ICE2: variants seen among roughly 807,000 people sequenced by gnomAD.
ICE2 encodes little elongation complex subunit 2.
A neutral mutation model predicts 105.4 loss-of-function variants in ICE2; 87 were observed. The observed-to-expected ratio is 0.83, with a 90% CI of 0.69 to 0.99. The LOEUF (loss-of-function observed/expected upper bound fraction) is 0.99. Ranked by LOEUF, ICE2 falls within the 50% of genes least tolerant of loss-of-function variation. The pLI, the probability that ICE2 is intolerant of heterozygous loss-of-function variation, is 0.00. For missense variants in ICE2, 1,323 were observed against 1,146.7 expected, an observed-to-expected ratio of 1.15 and a Z score of -2.22; for synonymous variants, 399 against 392.0, an observed-to-expected ratio of 1.02 and a Z score of -0.21.
intron 15 of ICE2, among the ~76,000 whole-genome samples, chr15:60,427,092 A>C (rs987243187): frequency 2.0e-5 from 3 of 152,226 alleles, no homozygotes; most frequent in Non-Finnish European, 4.4e-5. Context: ...TCATTTCTAA[A>C]AGGATACTCC....
chr15:60,449,385 T>G lies in ICE2; in HGVS notation c.1582A>C (p.Asn528His). The change falls in exon 10 of 16, where the codon AAT (asparagine) becomes CAT (histidine). Residue 528 changes from asparagine to histidine, a missense_variant. Asn to His is a moderately conservative substitution (Grantham distance 68). Transcript: ENST00000261520. ...NSQEIETSNK[N>H]DMTIDILHAD... is the part of the protein sequence containing the mutation. ...TGTAATATATCTATAGTCATATCATTTTTATTAGAAGTTTCAATTTCCTGA... is the reference window on the plus strand; with the variant it reads ...TGTAATATATCTATAGTCATATCATGTTTATTAGAAGTTTCAATTTCCTGA... 1 of 1,613,138 alleles carries G rather than the reference T, an allele frequency of 6.2e-7. No individual in the cohort carries two copies. The highest frequency in any genetic ancestry group is 1.3e-5 in the African/African-American group (1 of 74,994).
chr15:60,464,097 A>C (rs1043159411), intron 5 of ICE2, among the ~76,000 whole-genome samples: 2 of 152,212 alleles, frequency 1.3e-5, no homozygotes, highest in African/African-American at 4.8e-5. Flanking sequence ...TTTTAAAACT[A>C]AAAGATCTCA....
chr15:60,440,807 A>C lies in ICE2; in HGVS notation c.2425+1609T>G, dbSNP rs1457701555. The C allele has an allele frequency of 3.9e-5, 6 of 152,276 alleles. No individual in the cohort carries two copies. The South Asian group carries it at 6.2e-4, about 16-fold the overall frequency. 9.4% of individuals were successfully genotyped at this position (152,276 alleles called of 1,614,324 possible). On this transcript the variant is annotated intron_variant, in intron 12 of 15. Coordinates refer to ENST00000261520, the MANE Select transcript of ICE2 (RefSeq NM_024611.6). ...CCCACCAAAAAACCCCGAACAAACC[A>C]AAATCCCACAACCATACAATATATG...
intron 9 of ICE2, chr15:60,451,968 A>G (rs1331116313): frequency 2.0e-5 from 10 of 494,410 alleles, no homozygotes; most frequent in East Asian, 1.5e-4. Context: ...TACTTCTAAG[A>G]AAGACATTTT....
In ICE2 at chr15:60,468,337, A is replaced by G; in HGVS notation, c.147-15T>C. 1 of 1,579,984 alleles carries G rather than the reference A, an allele frequency of 6.3e-7. No individual in the cohort carries two copies. The highest frequency in any genetic ancestry group is 8.6e-7 in the Non-Finnish European group (1 of 1,156,506). ...CTCCTATACGTCTGGAAAACAAAAT[A>G]TAATTTACAAATATGTGCTTTTCAC... On this transcript the variant is annotated splice_polypyrimidine_tract_variant and intron_variant, in intron 3 of 15. Transcript: ENST00000261520.
intron 14 of ICE2, 132 bp downstream of exon 14, chr15:60,431,802 C>T: frequency 1.9e-6 from 1 of 518,168 alleles, no homozygotes; most frequent in Non-Finnish European, 3.5e-6. Context: ...TAAATGTTTA[C>T]ATTTGACATA....
At chr15:60,452,951 T>A in intron 9 of ICE2, 5 of 985,360 alleles carry the variant, frequency 5.1e-6, no homozygotes, top group Non-Finnish European at 6.0e-6. Flanking sequence ...TAGATATGGG[T>A]CAGGTGCAGT....
intron 4 of ICE2, among the ~76,000 whole-genome samples, chr15:60,467,589 T>C (rs1177682379): frequency 6.6e-6 from 1 of 152,194 alleles, no homozygotes; most frequent in Non-Finnish European, 1.5e-5. Context: ...AACAAACTGG[T>C]TTAAACTTTT....
rs757729237 is a variant in ICE2, at chr15:60,428,584, A to G, written c.2665T>C (p.Tyr889His). 2 of 1,614,156 alleles carry G rather than the reference A, an allele frequency of 1.2e-6. No individual in the cohort carries two copies. The highest frequency in any genetic ancestry group is 1.7e-6 in the Non-Finnish European group (2 of 1,180,008). ...CCAGGAAGGCCGCAATGTGTTTTAT[A>G]CAAATTGTATGCTGTCCTAGTAACT... ...GKVTRTAYNL[Y>H]KTHCGLPGVP... The change falls in exon 15 of 16, where the codon TAT becomes CAT. Residue 889 changes from tyrosine to histidine, a missense_variant. By Grantham distance (83) the Tyr-to-His change is moderately conservative. Coordinates refer to ENST00000261520, the MANE Select transcript of ICE2 (RefSeq NM_024611.6).
chr15:60,442,162 A>G (rs1185963697), intron 12 of ICE2: 22 of 318,190 alleles, frequency 6.9e-5, no homozygotes, highest in Non-Finnish European at 7.4e-5. Context: ...GCATGGTAGC[A>G]CATGCCTGCA....
At chr15:60,464,130 G>A (rs531314850) in intron 5 of ICE2, among the ~76,000 whole-genome samples, 5 of 152,156 alleles carry the variant, frequency 3.3e-5, no homozygotes, top group African/African-American at 1.2e-4. Context: ...TGAATCTTTG[G>A]GATGGGGATG....
rs1314779546 is a variant in ICE2, at chr15:60,434,741, G to A, written c.2510+1402C>T. Reference sequence around the variant, plus strand: ...TGGAGCATGGAGATACAGAATAGCGGTTACAAGAGGCTGGGAAGGAAATGG... The same window carrying A: ...TGGAGCATGGAGATACAGAATAGCGATTACAAGAGGCTGGGAAGGAAATGG... On this transcript the variant is annotated intron_variant, in intron 13 of 15. Transcript: ENST00000261520. 1.1e-4 allele frequency among the ~76,000 whole-genome samples: 16 copies of A among 152,288 alleles called. No individual in the cohort carries two copies. The East Asian group carries it at 2.9e-3, about 28-fold the overall frequency.
intron 12 of ICE2, chr15:60,440,548 G>A (rs1212847796): frequency 1.3e-5 from 2 of 152,086 alleles, no homozygotes; most frequent in South Asian, 2.1e-4. Flanking sequence ...GAGACTATAA[G>A]CTATAGAATT....
intron 3 of ICE2, among the ~76,000 whole-genome samples, chr15:60,475,140 G>GA (rs1306256706): frequency 6.6e-6 from 1 of 152,136 alleles, no homozygotes; most frequent in Non-Finnish European, 1.5e-5. Context: ...TTCCCTGGGG[G>GA]AGTTTCCTAA....
rs192857981 is a variant in ICE2 at position 60,452,968 on chromosome 15, C to A, written c.1125+635G>T. ...GATATGGGTCAGGTGCAGTGGCTGA[C>A]GCCTGTAATCCCAGCACTTTGGGTG... On this transcript the variant is annotated intron_variant, in intron 9 of 15. Coordinates refer to ENST00000261520, the MANE Select transcript of ICE2 (RefSeq NM_024611.6). The A allele has an allele frequency of 7.2e-4, 713 of 985,098 alleles. 2 individuals carry two copies. The Middle Eastern group carries it at 0.016, about 22-fold the overall frequency. 61.0% of individuals were successfully genotyped at this position (985,098 alleles called of 1,614,324 possible). A position where few individuals can be genotyped will look rare whatever the true frequency, so the allele number is the denominator to read the frequency against.
intron 13 of ICE2, among the ~76,000 whole-genome samples, chr15:60,435,605 A>G (rs35708487): frequency 0.63 from 94,456 of 149,042 alleles, 31,922 homozygotes; most frequent in East Asian, 0.93. Flanking sequence ...GTCTCAAAAA[A>G]AAAAAAAAAA....
rs765375709 is a variant in ICE2, at chr15:60,423,633, C to A, written c.*1G>T. The A allele has an allele frequency of 6.2e-7, 1 of 1,604,974 alleles. No individual in the cohort carries two copies. The highest frequency in any genetic ancestry group is 1.7e-5 in the Admixed American group (1 of 58,862). ...AAATTTAGTTTTCCATGGTACAGTC[C>A]TCAAGTTATTTTTCTTTTATGTGGA... On this transcript the variant is annotated 3_prime_UTR_variant, in exon 16 of 16. Coordinates refer to ENST00000261520, the MANE Select transcript of ICE2 (RefSeq NM_024611.6).
At chr15:60,462,724 G>C (rs115894739) in intron 5 of ICE2, among the ~76,000 whole-genome samples, 4 of 151,944 alleles carry the variant, frequency 2.6e-5, no homozygotes, top group Non-Finnish European at 5.9e-5. Flanking sequence ...TCTGGCTCTC[G>C]CTCTCCCTCT....
At chr15:60,460,980 G>C (rs960519408) in intron 5 of ICE2, among the ~76,000 whole-genome samples, 2 of 151,810 alleles carry the variant, frequency 1.3e-5, no homozygotes, top group Middle Eastern at 3.2e-3. Context: ...TGTTGCGGGG[G>C]ACATCACTCA....
Sources: allele counts gnomAD v4.1 joint callset (sites outside exome capture counted in the v4.1 genomes callset), GRCh38; gene constraint gnomAD v4.1.1; transcripts MANE v1.5; gene names NCBI Gene and HGNC (gene_info 2026-07-23, HGNC 2026-07-21).